The following FAM193A variants were observed in gnomAD, a reference collection of about 807,000 sequenced individuals.
The protein encoded by FAM193A is family with sequence similarity 193 member A.
A neutral mutation model predicts 126.5 loss-of-function variants in FAM193A; 22 were observed. The observed-to-expected ratio is 0.17, with a 90% CI of 0.12 to 0.25. The LOEUF is 0.25. FAM193A is among the 10% of genes least tolerant of loss of function. The probability of loss-of-function intolerance (pLI) is 1.00; values close to 1 mark genes in which losing one functional copy is unlikely to be tolerated. For missense variants in FAM193A, 1,675 were observed against 1,672.8 expected (o/e 1.00, Z -0.02); for synonymous variants, 761 against 646.8 (o/e 1.18, Z -2.68).
intron 1 of FAM193A, among the ~76,000 whole-genome samples, chr4:2,561,436 A>G (rs1470681465): frequency 6.8e-6 from 1 of 146,276 alleles, no homozygotes; most frequent in African/African-American, 2.5e-5. Flanking sequence ...GCCCGCCTTG[A>G]TCTCCCAAAG....
At chr4:2,537,650 G>C (rs1289691077) in intron 1 of FAM193A, among the ~76,000 whole-genome samples, 1 of 152,238 alleles carries the variant, frequency 6.6e-6, no homozygotes, top group African/African-American at 2.4e-5. Flanking sequence ...TTCGCTCCCA[G>C]GGCTTTGAAA....
intron 13 of FAM193A, among the ~76,000 whole-genome samples, chr4:2,673,690 T>C (rs1015588538): frequency 2.0e-5 from 3 of 152,222 alleles, no homozygotes; most frequent in Admixed American, 1.3e-4. Context: ...AGGTTTCCAC[T>C]CCCTGCTGTA....
At position 2,602,353 on chromosome 4, in the gene FAM193A, C is replaced by CTT. The variant is rs35168097; in HGVS notation, c.501+6041_501+6042dup. ...AATCTTCCTCTAGAGATGTTCTGTT[C>CTT]TTTTTTTTTTTTTTTTTTGAGACAG... On this transcript the variant is annotated intron_variant, in intron 2 of 20. Transcript: ENST00000637812. Among the ~76,000 whole-genome samples the CTT allele has an allele frequency of 4.9e-3, 633 of 128,536 alleles. 7 individuals carry two copies. The highest frequency in any genetic ancestry group is 0.034 in the East Asian group (149 of 4,436). The allele number at this position is 128,536 out of a possible 152,430, so 84.3% of individuals were successfully genotyped here. A position where few individuals can be genotyped will look rare whatever the true frequency, so the allele number is the denominator to read the frequency against.
chr4:2,684,743 T>C (rs1339563580), intron 13 of FAM193A, among the ~76,000 whole-genome samples: 1 of 152,150 alleles, frequency 6.6e-6, no homozygotes, highest in Admixed American at 6.5e-5. Context: ...TCCCCTCACC[T>C]CCACCTCGCT....
rs17164069 is a variant in FAM193A at position 2,651,943 on chromosome 4, G to A, written c.1311+5111G>A. Among the ~76,000 whole-genome samples the A allele has an allele frequency of 2.2e-3, 328 of 152,302 alleles. 3 individuals are homozygous for A. In the South Asian group the frequency reaches 0.032, roughly 15 times the overall value. On this transcript the variant is annotated intron_variant, in intron 7 of 20. Coordinates refer to ENST00000637812, the MANE Select transcript of FAM193A (RefSeq NM_001366318.2). ...TCAGAAAGAGTCCCTTGCAAGGGTC[G>A]TTCGAAGGCAGAGTGGGCTGTAGTG...
intron 1 of FAM193A, among the ~76,000 whole-genome samples, chr4:2,555,454 T>C (rs1738192526): frequency 6.6e-6 from 1 of 152,060 alleles, no homozygotes; most frequent in African/African-American, 2.4e-5. Context: ...AATATTGGGG[T>C]CCAACCGATT....
chr4:2,548,806 T>A (rs1449425143), intron 1 of FAM193A, among the ~76,000 whole-genome samples: 3 of 152,046 alleles, frequency 2.0e-5, no homozygotes, highest in Non-Finnish European at 1.5e-5. Context: ...AAGTTCCGTT[T>A]ACCAATTTTT....
chr4:2,714,920 C>A (rs974337826), intron 19 of FAM193A, among the ~76,000 whole-genome samples: 2 of 152,146 alleles, frequency 1.3e-5, no homozygotes, highest in Non-Finnish European at 2.9e-5. Flanking sequence ...CAACCCCGCC[C>A]CAGCCCAGAT....
intron 1 of FAM193A, among the ~76,000 whole-genome samples, chr4:2,559,607 G>A (rs1371580399): frequency 6.6e-6 from 1 of 152,062 alleles, no homozygotes; most frequent in Non-Finnish European, 1.5e-5. Context: ...TGTCCTGCTA[G>A]TCTGGTCTTC....
intron 2 of FAM193A, among the ~76,000 whole-genome samples, chr4:2,606,329 C>T (rs905167637): frequency 6.6e-6 from 1 of 152,110 alleles, no homozygotes; most frequent in East Asian, 1.9e-4. Context: ...GGATTATAGG[C>T]GTGAGCCACC....
intron 19 of FAM193A, among the ~76,000 whole-genome samples, chr4:2,704,037 G>C (rs754780049): frequency 1.3e-5 from 2 of 150,412 alleles, no homozygotes; most frequent in African/African-American, 4.9e-5. Flanking sequence ...GGAGGCCGAG[G>C]GAGGCGGATC....
chr4:2,663,316 G>T, intron 12 of FAM193A, 28 bp downstream of exon 12: 5 of 1,520,896 alleles, frequency 3.3e-6, no homozygotes, highest in Non-Finnish European at 4.4e-6. Flanking sequence ...GTTTTGCCAA[G>T]GATCTCTTTT....
intron 12 of FAM193A, among the ~76,000 whole-genome samples, chr4:2,668,522 CTTAAT>C (rs898224617): frequency 6.6e-6 from 1 of 152,040 alleles, no homozygotes; most frequent in African/African-American, 2.4e-5. Context: ...CAATATGCAT[CTTAAT>C]TTATCACAAT....
intron 2 of FAM193A, among the ~76,000 whole-genome samples, chr4:2,616,805 A>G (rs992246597): frequency 4.6e-5 from 7 of 151,298 alleles, no homozygotes; most frequent in Non-Finnish European, 1.0e-4. Context: ...TGACCTCATG[A>G]TCTGCCCGCC....
intron 19 of FAM193A, among the ~76,000 whole-genome samples, chr4:2,708,753 C>G (rs192591558): frequency 6.6e-6 from 1 of 152,118 alleles, no homozygotes; most frequent in Non-Finnish European, 1.5e-5. Flanking sequence ...TGTGAGCCCC[C>G]TCGCCCTGCC....
At chr4:2,603,519 C>G (rs1411001345) in intron 2 of FAM193A, among the ~76,000 whole-genome samples, 1 of 138,714 alleles carries the variant, frequency 7.2e-6, no homozygotes, top group African/African-American at 2.7e-5. Context: ...TGCAGTGGTG[C>G]GATCTCGGCT....
intron 1 of FAM193A, among the ~76,000 whole-genome samples, chr4:2,558,652 A>G: frequency 6.6e-6 from 1 of 152,176 alleles, no homozygotes; most frequent in East Asian, 1.9e-4. Context: ...GGTATTTGGG[A>G]TGACTGGGAT....
intron 2 of FAM193A, chr4:2,615,247 A>C (rs1190920612): frequency 1.3e-5 from 2 of 152,338 alleles, no homozygotes; most frequent in Non-Finnish European, 2.9e-5. Context: ...ACAGCCTTGC[A>C]TTTGTACCAG....
chr4:2,726,475 G>C (rs1720759865), intron 20 of FAM193A, among the ~76,000 whole-genome samples: 1 of 152,108 alleles, frequency 6.6e-6, no homozygotes, highest in Non-Finnish European at 1.5e-5. Context: ...AAGGGAAACT[G>C]CCTTCTCTGG....
Sources: gnomAD v4.1 joint callset for allele counts (sites outside exome capture counted in the v4.1 genomes callset) on GRCh38, gnomAD v4.1.1 for gene constraint, MANE v1.5 for transcripts, NCBI Gene and HGNC (gene_info 2026-07-23, HGNC 2026-07-21) for gene names.